The following RBFOX1 variants were observed in gnomAD, a reference collection of about 807,000 sequenced individuals.
RBFOX1 encodes the protein RNA binding fox-1 homolog 1.
RBFOX1 carries 8 observed loss-of-function variants against 57.7 expected under a neutral mutation model. The ratio of observed to expected loss-of-function variants is 0.14; its 90% CI spans 0.08 to 0.25. RBFOX1 has a LOEUF of 0.25. Ranked by LOEUF, RBFOX1 falls within the 10% of genes least tolerant of loss-of-function variation. RBFOX1 has a pLI of 1.00. For synonymous variants in RBFOX1, 326 were observed against 222.4 expected, an observed-to-expected ratio of 1.47 and a Z score of -4.15; for missense variants, 611 against 548.5, an observed-to-expected ratio of 1.11 and a Z score of -1.14.
chr16:5,725,865 G>A (rs1270955541), intron 3 of RBFOX1, among the ~76,000 whole-genome samples: 4 of 151,930 alleles, frequency 2.6e-5, no homozygotes, highest in Non-Finnish European at 5.9e-5. Context: ...GCATGAGGAG[G>A]CTGCTGGGTT....
intron 5 of RBFOX1, among the ~76,000 whole-genome samples, chr16:7,531,732 G>C (rs947657773): frequency 6.6e-6 from 1 of 152,176 alleles, no homozygotes; most frequent in African/African-American, 2.4e-5. Flanking sequence ...CCCATTTTGT[G>C]TGATTACCCC....
At chr16:7,387,802 C>T (rs112058348) in intron 4 of RBFOX1, among the ~76,000 whole-genome samples, 6 of 152,092 alleles carry the variant, frequency 3.9e-5, no homozygotes, top group Non-Finnish European at 4.4e-5. Flanking sequence ...GAGAAAGCTC[C>T]GTACGTGTAG....
chr16:7,675,246 T>C lies in RBFOX1; in HGVS notation c.931-1528T>C, dbSNP rs1283692205. On this transcript the variant is annotated intron_variant, in intron 13 of 15. Transcript: ENST00000550418. ...AATTTCTCTTTAGTCCGTCACTCTGTTGAACTCAGTGCTGTTATAACTGCT... is the reference window on the plus strand; with the variant it reads ...AATTTCTCTTTAGTCCGTCACTCTGCTGAACTCAGTGCTGTTATAACTGCT... Among the ~76,000 whole-genome samples, 4 of 152,276 alleles carry C rather than the reference T, an allele frequency of 2.6e-5. No individual in the cohort carries two copies. The East Asian group carries it at 7.7e-4, about 29-fold the overall frequency.
At chr16:6,085,983 C>A in intron 1 of RBFOX1, among the ~76,000 whole-genome samples, 1 of 152,106 alleles carries the variant, frequency 6.6e-6, no homozygotes, top group East Asian at 1.9e-4. Flanking sequence ...CTTCCCCCAG[C>A]CCCCTACAGA....
chr16:7,640,151 C>T (rs1430325629), intron 11 of RBFOX1, among the ~76,000 whole-genome samples: 7 of 152,212 alleles, frequency 4.6e-5, no homozygotes, highest in African/African-American at 1.4e-4. Flanking sequence ...GCAACCACTA[C>T]CCCCAACTTC....
intron 4 of RBFOX1, among the ~76,000 whole-genome samples, chr16:7,316,519 G>A (rs1381294577): frequency 6.6e-6 from 1 of 152,160 alleles, no homozygotes; most frequent in African/African-American, 2.4e-5. Flanking sequence ...CAGAGATTGG[G>A]TTGGTCATTG....
At chr16:5,780,743 C>T (rs1426233851) in intron 3 of RBFOX1, among the ~76,000 whole-genome samples, 1 of 152,196 alleles carries the variant, frequency 6.6e-6, no homozygotes, top group African/African-American at 2.4e-5. Flanking sequence ...CACTTGAGTA[C>T]AAGATGTACA....
intron 1 of RBFOX1, among the ~76,000 whole-genome samples, chr16:6,031,670 G>A (rs563666602): frequency 2.6e-5 from 4 of 152,290 alleles, no homozygotes; most frequent in Admixed American, 1.3e-4. Context: ...ATGCGCATAC[G>A]TGCATGTATT....
chr16:6,719,319 A>C (rs2154160204), intron 3 of RBFOX1, among the ~76,000 whole-genome samples: 1 of 152,340 alleles, frequency 6.6e-6, no homozygotes, highest in South Asian at 2.1e-4. Context: ...ACTTAGACAA[A>C]GCAATCACAT....
chr16:7,399,794 A>G (rs2098209415), intron 4 of RBFOX1, among the ~76,000 whole-genome samples: 1 of 152,232 alleles, frequency 6.6e-6, no homozygotes, highest in African/African-American at 2.4e-5. Context: ...TCATAGTCAC[A>G]GGCACGAGGG....
chr16:6,134,022 T>C (rs1008676116), intron 1 of RBFOX1, among the ~76,000 whole-genome samples: 4 of 152,024 alleles, frequency 2.6e-5, no homozygotes, highest in Non-Finnish European at 5.9e-5. Flanking sequence ...GTGCAACCTC[T>C]GCCTCCTGGG....
chr16:6,589,554 C>T (rs940506094), intron 2 of RBFOX1, among the ~76,000 whole-genome samples: 12 of 152,202 alleles, frequency 7.9e-5, no homozygotes, highest in Admixed American at 2.0e-4. Flanking sequence ...ATATCTCGAC[C>T]ACTGGTCTTA....
chr16:7,162,172 C>T (rs1452358838), intron 4 of RBFOX1, among the ~76,000 whole-genome samples: 1 of 152,094 alleles, frequency 6.6e-6, no homozygotes, highest in Non-Finnish European at 1.5e-5. Context: ...CTGAATGTGC[C>T]AATAATGGCA....
intron 1 of RBFOX1, among the ~76,000 whole-genome samples, chr16:5,304,753 G>A (rs2063891247): frequency 6.6e-6 from 1 of 152,110 alleles, no homozygotes; most frequent in African/African-American, 2.4e-5. Context: ...TCATGAGAGC[G>A]ATGAAGGAAA....
intron 3 of RBFOX1, among the ~76,000 whole-genome samples, chr16:6,764,812 C>T (rs1253272189): frequency 3.9e-5 from 6 of 152,008 alleles, no homozygotes; most frequent in Non-Finnish European, 7.4e-5. Context: ...TGACGGGTGC[C>T]TGTAATCCTA....
At chr16:7,587,177 T>C in intron 6 of RBFOX1, 70 bp from the exon 7 acceptor site, 1 of 1,348,520 alleles carries the variant, frequency 7.4e-7, no homozygotes. Flanking sequence ...TGGGAAACAA[T>C]TACTACTGTA....
intron 4 of RBFOX1, among the ~76,000 whole-genome samples, chr16:7,439,425 C>T (rs1006164681): frequency 2.0e-5 from 3 of 151,884 alleles, no homozygotes; most frequent in African/African-American, 7.3e-5. Context: ...GGCATCCATT[C>T]ACTTTAAGAA....
At position 6,242,629 on chromosome 16, in the gene RBFOX1, A is replaced by AACACACACACACACAC. The variant is rs57154832; in HGVS notation, c.-126-74346_-126-74331dup. On this transcript the variant is annotated intron_variant, in intron 1 of 15. Transcript: ENST00000550418. ...GTTTGAGAGAGGATAATTTATTGCAAACACACACACACACACACACACACA... is the reference window on the plus strand; with the variant it reads ...GTTTGAGAGAGGATAATTTATTGCAAACACACACACACACACACACACACACACACACACACACACA... Among the ~76,000 whole-genome samples, 355 of 141,610 alleles carry AACACACACACACACAC rather than the reference A, an allele frequency of 2.5e-3. 2 individuals carry two copies. The highest frequency in any genetic ancestry group is 8.5e-3 in the African/African-American group (326 of 38,176). 92.9% of individuals were successfully genotyped at this position (141,610 alleles called of 152,430 possible). A position where few individuals can be genotyped will look rare whatever the true frequency, so the allele number is the denominator to read the frequency against.
At chr16:6,556,686 G>A (rs2097102468) in intron 2 of RBFOX1, among the ~76,000 whole-genome samples, 1 of 152,132 alleles carries the variant, frequency 6.6e-6, no homozygotes, top group South Asian at 2.1e-4. Flanking sequence ...ATAATCACAT[G>A]ATATAGAGAA....
Sources: gnomAD v4.1 joint callset for allele counts (sites outside exome capture counted in the v4.1 genomes callset) on GRCh38, gnomAD v4.1.1 for gene constraint, MANE v1.5 for transcripts, NCBI Gene and HGNC (gene_info 2026-07-23, HGNC 2026-07-21) for gene names.